NFIA: variants seen among roughly 807,000 people sequenced by gnomAD.
NFIA encodes nuclear factor I A.
A neutral mutation model predicts 62.8 loss-of-function variants in NFIA; 8 were observed. The observed-to-expected ratio is 0.13, with a 90% CI of 0.07 to 0.23. NFIA has a LOEUF of 0.23. Among genes scored for constraint, NFIA ranks in the 10% least tolerant of loss-of-function variants. The pLI, the probability that NFIA is intolerant of heterozygous loss-of-function variation, is 1.00. For missense variants in NFIA, 410 were observed against 642.1 expected (o/e 0.64, Z 3.91); for synonymous variants, 235 against 238.1 (o/e 0.99, Z 0.12).
chr1:61,099,257 G>T (rs925875686), intron 2 of NFIA, among the ~76,000 whole-genome samples: 1 of 152,142 alleles, frequency 6.6e-6, no homozygotes, highest in African/African-American at 2.4e-5. Flanking sequence ...GTGCTGGAGT[G>T]GGGTGGGGAC....
At chr1:61,375,724 G>A (rs1664118592) in intron 6 of NFIA, among the ~76,000 whole-genome samples, 2 of 151,994 alleles carry the variant, frequency 1.3e-5, no homozygotes, top group African/African-American at 4.8e-5. Context: ...CTGTCTGCTG[G>A]ACCATTCCCA....
chr1:61,125,129 C>T (rs569838226), intron 2 of NFIA: 1 of 151,518 alleles, frequency 6.6e-6, no homozygotes, highest in East Asian at 1.9e-4. Flanking sequence ...AAGAGAGATT[C>T]CCTCTTTATA....
chr1:61,080,397 G>A (rs1025622092), upstream of NFIA, among the ~76,000 whole-genome samples: 2 of 152,052 alleles, frequency 1.3e-5, no homozygotes, highest in African/African-American at 4.8e-5. Flanking sequence ...GATGTGAAGT[G>A]TATCTTTTAA....
chr1:61,269,831 GA>G (rs1203406897), intron 2 of NFIA, among the ~76,000 whole-genome samples: 3 of 152,152 alleles, frequency 2.0e-5, no homozygotes, highest in Non-Finnish European at 2.9e-5. Context: ...AAGTAACAAG[GA>G]ATTATTTTTT....
chr1:61,296,944 A>C (rs924714364), intron 3 of NFIA, among the ~76,000 whole-genome samples: 4 of 152,116 alleles, frequency 2.6e-5, no homozygotes, highest in African/African-American at 9.7e-5. Context: ...TTGCTAAGAC[A>C]ATTTTTTTGG....
At chr1:61,201,072 T>C (rs1053189433) in intron 2 of NFIA, among the ~76,000 whole-genome samples, 2 of 152,234 alleles carry the variant, frequency 1.3e-5, no homozygotes, top group African/African-American at 4.8e-5. Context: ...TAGAAAATTC[T>C]GATGGGAATC....
At chr1:61,126,474 A>ACACT (rs1339928745) in intron 2 of NFIA, among the ~76,000 whole-genome samples, 5 of 143,070 alleles carry the variant, frequency 3.5e-5, no homozygotes, top group South Asian at 2.1e-4. Context: ...ACACACACAC[A>ACACT]CTCACAGAAA....
chr1:61,346,055 T>C (rs1257883185), intron 4 of NFIA, among the ~76,000 whole-genome samples: 1 of 152,114 alleles, frequency 6.6e-6, no homozygotes, highest in African/African-American at 2.4e-5. Context: ...ATCTAGACAA[T>C]CTCTCCCCGT....
At chr1:61,402,960 A>G (rs960670107) in intron 7 of NFIA, among the ~76,000 whole-genome samples, 3 of 152,226 alleles carry the variant, frequency 2.0e-5, no homozygotes, top group Non-Finnish European at 4.4e-5. Context: ...ATTCTTTTTC[A>G]CAGCCTTTAG....
intron 2 of NFIA, among the ~76,000 whole-genome samples, chr1:61,198,317 T>C (rs995013713): frequency 6.6e-6 from 1 of 152,244 alleles, no homozygotes; most frequent in Non-Finnish European, 1.5e-5. Flanking sequence ...TTCCAATCTA[T>C]GCAAATCAGA....
intron 2 of NFIA, among the ~76,000 whole-genome samples, chr1:61,160,447 G>A (rs11207702): frequency 6.6e-6 from 1 of 152,180 alleles, no homozygotes; most frequent in Non-Finnish European, 1.5e-5. Context: ...ACTTTGAAAT[G>A]AGATATTTAA....
intron 2 of NFIA, among the ~76,000 whole-genome samples, chr1:61,180,237 C>G (rs1368612181): frequency 6.6e-6 from 1 of 152,162 alleles, no homozygotes; most frequent in Non-Finnish European, 1.5e-5. Flanking sequence ...CATTAAAAAC[C>G]CCACACCTCT....
At chr1:61,400,969 T>C (rs1665529059) in intron 7 of NFIA, among the ~76,000 whole-genome samples, 1 of 152,210 alleles carries the variant, frequency 6.6e-6, no homozygotes, top group African/African-American at 2.4e-5. Context: ...TTCAGTGGGT[T>C]TCATTGTCTG....
intron 9 of NFIA, among the ~76,000 whole-genome samples, 186 bp downstream of exon 9, chr1:61,406,913 G>T (rs1665868091): frequency 6.6e-6 from 1 of 152,172 alleles, no homozygotes. Flanking sequence ...ACCAGATGAG[G>T]AAAACACTGG....
chr1:61,294,704 T>C (rs956041798), intron 3 of NFIA, among the ~76,000 whole-genome samples: 2 of 152,232 alleles, frequency 1.3e-5, no homozygotes, highest in African/African-American at 4.8e-5. Context: ...GCCTATCCCA[T>C]AGTACATGTT....
chr1:61,378,006 A>C (rs978198783), intron 6 of NFIA, among the ~76,000 whole-genome samples: 1 of 152,170 alleles, frequency 6.6e-6, no homozygotes, highest in Non-Finnish European at 1.5e-5. Context: ...CTCCCCTTTA[A>C]GAAGATACCT....
chr1:61,211,823 A>C (rs570185798), intron 2 of NFIA, among the ~76,000 whole-genome samples: 23 of 152,102 alleles, frequency 1.5e-4, no homozygotes, highest in Non-Finnish European at 1.9e-4. Flanking sequence ...TCAGCCCCCA[A>C]GTAGCTGGGA....
chr1:61,382,472 A>G (rs1016632225), intron 6 of NFIA, among the ~76,000 whole-genome samples: 1 of 152,220 alleles, frequency 6.6e-6, no homozygotes, highest in Non-Finnish European at 1.5e-5. Context: ...CAAATTCAAT[A>G]CAGAGAGAGA....
In NFIA at chr1:61,455,225, G is replaced by A. The variant is rs886537927; in HGVS notation, c.1513-78G>A. On this transcript the variant is annotated intron_variant, in intron 10 of 10. Transcript: ENST00000403491. ...CATCCCTAACGTAGATCCTGATTTC[G>A]TGGTTGAAAAGGCAACTTCTAAAAC... 3.3e-4 allele frequency: 499 copies of A among 1,497,724 alleles called. 3 individuals are homozygous for A. Among genetic ancestry groups the A allele is most frequent in the South Asian group, 3.7e-4 (32 of 86,432 alleles). The allele number at this position is 1,497,724 out of a possible 1,614,324, so 92.8% of individuals were successfully genotyped here. A position where few individuals can be genotyped will look rare whatever the true frequency, so the allele number is the denominator to read the frequency against.
Sources: gnomAD v4.1 joint callset for allele counts (sites outside exome capture counted in the v4.1 genomes callset) on GRCh38, gnomAD v4.1.1 for gene constraint, MANE v1.5 for transcripts, NCBI Gene and HGNC (gene_info 2026-07-23, HGNC 2026-07-21) for gene names.